NLGN4X: variants seen among roughly 807,000 people sequenced by gnomAD.
NLGN4X encodes neuroligin 4 X-linked.
A neutral mutation model predicts 40.3 loss-of-function variants in NLGN4X; 3 were observed. That is an observed-to-expected ratio of 0.07 (90% CI 0.03 to 0.19). The LOEUF is 0.19. Ranked by LOEUF, NLGN4X falls within the 10% of genes least tolerant of loss-of-function variation. NLGN4X has a pLI of 1.00. For synonymous variants in NLGN4X, 270 were observed against 306.8 expected, an observed-to-expected ratio of 0.88 and a Z score of 1.25; for missense variants, 382 against 708.3, an observed-to-expected ratio of 0.54 and a Z score of 5.23.
At chrX:6,019,505 C>T (rs2036479752) in intron 3 of NLGN4X, among the ~76,000 whole-genome samples, 2 of 111,475 alleles carry the variant, frequency 1.8e-5, no homozygotes, top group South Asian at 3.7e-4. Context: ...TTATCCTACT[C>T]GAAAGGACTA....
At chrX:6,010,915 A>T (rs2036236515) in intron 3 of NLGN4X, among the ~76,000 whole-genome samples, 1 of 111,690 alleles carries the variant, frequency 9.0e-6, no homozygotes, top group Non-Finnish European at 1.9e-5. Flanking sequence ...GAAGCTTTCA[A>T]ATTTGAACTT....
rs190303421 is a variant in NLGN4X at position 5,942,689 on chromosome X, G to A, written c.626-33450C>T. Among the ~76,000 whole-genome samples, 13 of 109,372 alleles carry A rather than the reference G, an allele frequency of 1.2e-4. No homozygotes were observed. In the East Asian group the frequency reaches 3.2e-3, roughly 27 times the overall value. The allele number at this position is 109,372 out of a possible 115,157, so 95.0% of individuals were successfully genotyped here. Reference sequence around the variant, plus strand: ...GAGAAGGAAAGGAAAGGGGAGAAGAGGGGAGGGGAGAGAAGGGGAGGGAAG... The same window carrying A: ...GAGAAGGAAAGGAAAGGGGAGAAGAAGGGAGGGGAGAGAAGGGGAGGGAAG... On this transcript the variant is annotated intron_variant, in intron 3 of 5. Transcript: ENST00000381095.
chrX:6,212,199 C>T (rs988219805), intron 1 of NLGN4X, among the ~76,000 whole-genome samples: 17 of 106,718 alleles, frequency 1.6e-4, no homozygotes, highest in African/African-American at 5.1e-4. Flanking sequence ...GAGCCAAGGT[C>T]GCGCCACTGC....
At chrX:6,067,506 G>A (rs892215499) in intron 2 of NLGN4X, among the ~76,000 whole-genome samples, 2 of 110,958 alleles carry the variant, frequency 1.8e-5, no homozygotes, top group African/African-American at 6.6e-5. Flanking sequence ...CTCCAATATC[G>A]TAGTTGGGCT....
chrX:5,901,696 T>C (rs1011099960), intron 5 of NLGN4X, among the ~76,000 whole-genome samples: 2 of 110,118 alleles, frequency 1.8e-5, no homozygotes, highest in Non-Finnish European at 3.8e-5. Flanking sequence ...GCATGACATA[T>C]AGCAATATGA....
At chrX:6,164,715 C>T (rs1021974112) in intron 1 of NLGN4X, among the ~76,000 whole-genome samples, 1 of 111,719 alleles carries the variant, frequency 9.0e-6, no homozygotes, top group African/African-American at 3.3e-5. Flanking sequence ...CAGAACGTTT[C>T]CCAAGACACC....
At chrX:5,946,475 T>C (rs2034124147) in intron 3 of NLGN4X, among the ~76,000 whole-genome samples, 1 of 111,254 alleles carries the variant, frequency 9.0e-6, no homozygotes, top group East Asian at 2.8e-4. Flanking sequence ...CACCATTTTA[T>C]GTAGAGAATC....
intron 1 of NLGN4X, among the ~76,000 whole-genome samples, chrX:6,200,682 CTTTTCTTTTTT>C (rs1556005120): frequency 1.4e-5 from 1 of 71,653 alleles, no homozygotes; most frequent in Non-Finnish European, 2.4e-5. Context: ...TATTCCTTTC[CTTTTCTTTTTT>C]TTTTTTTTTT....
intron 3 of NLGN4X, among the ~76,000 whole-genome samples, chrX:5,963,745 G>A (rs1284394236): frequency 2.7e-5 from 3 of 111,940 alleles, no homozygotes; most frequent in Non-Finnish European, 1.9e-5. Context: ...ACAGAAAGGA[G>A]ACCAGAACAT....
chrX:6,212,755 T>A (rs1416388264), intron 1 of NLGN4X, among the ~76,000 whole-genome samples: 1 of 111,594 alleles, frequency 9.0e-6, no homozygotes, highest in Non-Finnish European at 1.9e-5. Context: ...GGGCTGAGAG[T>A]TTCTCTAAGA....
At chrX:6,066,936 T>C (rs887139517) in intron 2 of NLGN4X, among the ~76,000 whole-genome samples, 10 of 111,487 alleles carry the variant, frequency 9.0e-5, no homozygotes, top group Middle Eastern at 4.6e-3. Context: ...ATTGAGACCC[T>C]GTCTCTACAA....
At chrX:6,179,099 A>AAAGGAAGGAAGGAAGGAAGGAAGG (rs750508795) in intron 1 of NLGN4X, among the ~76,000 whole-genome samples, 5,736 of 78,124 alleles carry the variant, frequency 0.073, 410 homozygotes, top group Non-Finnish European at 0.079. Flanking sequence ...ACCCTGAAAA[A>AAAGGAAGGAAGGAAGGAAGGAAGG]AAGGAAGGAA....
rs150132362 is a variant in NLGN4X, at chrX:6,106,080, A to T, written c.472+44915T>A. ...TGCAGCACCCTCAGAGGAATATGGAACATCACTCCCAAATCAAACTCATTA... is the reference window on the plus strand; with the variant it reads ...TGCAGCACCCTCAGAGGAATATGGATCATCACTCCCAAATCAAACTCATTA... On this transcript the variant is annotated intron_variant, in intron 2 of 5. Coordinates refer to ENST00000381095, the MANE Select transcript of NLGN4X (RefSeq NM_181332.3). 2.6e-3 allele frequency among the ~76,000 whole-genome samples: 295 copies of T among 111,731 alleles called. 2 individuals carry two copies. The highest frequency in any genetic ancestry group is 9.1e-3 in the African/African-American group (280 of 30,754).
rs188948077 is a variant in NLGN4X, at chrX:6,183,419, C to T, written c.-305-31648G>A. 2.8e-3 allele frequency among the ~76,000 whole-genome samples: 310 copies of T among 110,638 alleles called. 1 individual carries two copies. Among genetic ancestry groups the T allele is most frequent in the Non-Finnish European group, 4.9e-3 (258 of 52,857 alleles). On this transcript the variant is annotated intron_variant, in intron 1 of 5. Coordinates refer to ENST00000381095, the MANE Select transcript of NLGN4X (RefSeq NM_181332.3). The stretch of plus-strand genomic sequence containing the variant: ...AAAATTAGCCAGGAGTGGTGGTGGG[C>T]GCCTGTAGTCCCAGCCACTTGGGAG...
intron 1 of NLGN4X, among the ~76,000 whole-genome samples, chrX:6,195,751 T>C (rs965859673): frequency 9.0e-6 from 1 of 111,670 alleles, no homozygotes; most frequent in Admixed American, 9.6e-5. Flanking sequence ...TGACTGGCTA[T>C]ATTTTTTGTG....
At chrX:6,005,780 T>A (rs1429620343) in intron 3 of NLGN4X, among the ~76,000 whole-genome samples, 1 of 111,305 alleles carries the variant, frequency 9.0e-6, no homozygotes, top group East Asian at 2.8e-4. Flanking sequence ...ATGAAGTCTG[T>A]CAACACACCT....
At position 6,221,391 on chromosome X, in the gene NLGN4X, T is replaced by TTTTATATATATA. The variant is rs1491106130; in HGVS notation, c.-306+7149_-306+7150insTATATATATAAA. Among the ~76,000 whole-genome samples the TTTTATATATATA allele has an allele frequency of 1.6e-3, 88 of 53,336 alleles. 1 individual carries two copies. Among genetic ancestry groups the TTTTATATATATA allele is most frequent in the African/African-American group, 6.2e-3 (82 of 13,254 alleles). The allele number at this position is 53,336 out of a possible 115,157, so 46.3% of individuals were successfully genotyped here. On this transcript the variant is annotated intron_variant, in intron 1 of 5. Coordinates refer to ENST00000381095, the MANE Select transcript of NLGN4X (RefSeq NM_181332.3). Reference sequence around the variant, plus strand: ...GAAAACCACATTTTTCCTTCTTATATTATATATATATATATATATATATAT... The same window carrying TTTTATATATATA: ...GAAAACCACATTTTTCCTTCTTATATTTTATATATATATATATATATATATATATATATATAT...
intron 2 of NLGN4X, among the ~76,000 whole-genome samples, chrX:6,060,943 C>A (rs1028217299): frequency 4.5e-5 from 5 of 111,482 alleles, no homozygotes; most frequent in Non-Finnish European, 9.4e-5. Context: ...CTCAAGGGGA[C>A]AAATACACAC....
At chrX:5,953,788 C>G (rs141477109) in intron 3 of NLGN4X, among the ~76,000 whole-genome samples, 468 of 111,956 alleles carry the variant, frequency 4.2e-3, no homozygotes, top group Non-Finnish European at 6.6e-3. Context: ...CGTGTTCATA[C>G]AAGCAGCAAA....
Sources: allele counts gnomAD v4.1 joint callset (sites outside exome capture counted in the v4.1 genomes callset), GRCh38; gene constraint gnomAD v4.1.1; transcripts MANE v1.5; gene names NCBI Gene and HGNC (gene_info 2026-07-23, HGNC 2026-07-21).